Variants in REDIC1 observed in about 807,000 individuals in gnomAD.
The protein encoded by REDIC1 is regulator of DNA class I crossover intermediates 1.
At chr12:39,733,549 G>A in the REDIC1 span, among the ~76,000 whole-genome samples, 1 of 151,498 alleles carries the variant, frequency 6.6e-6, no homozygotes, top group Non-Finnish European at 1.5e-5. Context: ...TAAGTTTTAG[G>A]GTACATGTGC....
chr12:39,712,737 A>G, the REDIC1 span, among the ~76,000 whole-genome samples: 1 of 116,604 alleles, frequency 8.6e-6, no homozygotes, highest in East Asian at 2.0e-4. Context: ...ATATATGTAT[A>G]TAGACGTGTA....
the REDIC1 span, chr12:39,646,791 C>T: frequency 1.2e-4 from 154 of 1,258,412 alleles, no homozygotes; most frequent in African/African-American, 2.0e-3. Flanking sequence ...AAAGGACAGT[C>T]GATTTTATTT....
the REDIC1 span, among the ~76,000 whole-genome samples, chr12:39,678,872 G>T: frequency 1.3e-5 from 2 of 151,814 alleles, no homozygotes; most frequent in African/African-American, 4.8e-5. Context: ...AATAGATGCA[G>T]AAAAAGCATT....
the REDIC1 span, among the ~76,000 whole-genome samples, chr12:39,723,713 C>T: frequency 6.6e-6 from 1 of 151,920 alleles, no homozygotes; most frequent in Non-Finnish European, 1.5e-5. Context: ...AGATACTATA[C>T]ATTCAGTAAG....
At chr12:39,700,703 T>A in the REDIC1 span, among the ~76,000 whole-genome samples, 4 of 151,630 alleles carry the variant, frequency 2.6e-5, no homozygotes, top group African/African-American at 7.3e-5. Flanking sequence ...CGGGTTACCC[T>A]CAAAGGGAAG....
the REDIC1 span, among the ~76,000 whole-genome samples, chr12:39,880,441 CA>C: frequency 2.0e-5 from 3 of 151,898 alleles, no homozygotes; most frequent in Non-Finnish European, 2.9e-5. Flanking sequence ...GACATAAAGC[CA>C]AAATTAAAAG....
the REDIC1 span, among the ~76,000 whole-genome samples, chr12:39,653,538 T>TCTTCTTCTTCTTTTTCTTCTTCTTC: frequency 1.3e-4 from 9 of 66,686 alleles, no homozygotes; most frequent in Admixed American, 4.7e-4. Context: ...TTCTTCTTCT[T>TCTTCTTCTTCTTTTTCTTCTTCTTC]TTTCTTCTTC....
the REDIC1 span, among the ~76,000 whole-genome samples, chr12:39,717,088 C>A: frequency 9.4e-4 from 140 of 148,918 alleles, 1 homozygote; most frequent in Non-Finnish European, 1.7e-3. Context: ...TTACAAAACA[C>A]CTTTTATCCT....
At chr12:39,760,953 AAC>A in the REDIC1 span, among the ~76,000 whole-genome samples, 1 of 101,520 alleles carries the variant, frequency 9.9e-6, no homozygotes, top group Non-Finnish European at 2.1e-5. Context: ...GTCTCTACCA[AAC>A]ACACACACAC....
At chr12:39,699,421 T>C in the REDIC1 span, among the ~76,000 whole-genome samples, 1 of 152,192 alleles carries the variant, frequency 6.6e-6, no homozygotes, top group Non-Finnish European at 1.5e-5. Flanking sequence ...ACCAGGAGAT[T>C]ATATCCCGCA....
the REDIC1 span, among the ~76,000 whole-genome samples, chr12:39,763,829 C>T: frequency 1.4e-4 from 21 of 152,186 alleles, no homozygotes; most frequent in African/African-American, 4.3e-4. Context: ...CCACTAAGCA[C>T]TATTGTTTTT....
the REDIC1 span, among the ~76,000 whole-genome samples, chr12:39,714,062 T>TAC: frequency 7.2e-6 from 1 of 139,724 alleles, no homozygotes; most frequent in Non-Finnish European, 1.6e-5. Flanking sequence ...TATACACGTA[T>TAC]GTGTATATAC....
chr12:39,736,659 A>C, the REDIC1 span: 1 of 152,236 alleles, frequency 6.6e-6, no homozygotes, highest in Non-Finnish European at 1.5e-5. Flanking sequence ...TTCCAAGGCT[A>C]TGTCGTAAAA....
chr12:39,739,072 T>TAGAG, the REDIC1 span, among the ~76,000 whole-genome samples: 1 of 151,938 alleles, frequency 6.6e-6, no homozygotes, highest in Non-Finnish European at 1.5e-5. Context: ...AACTACTTCA[T>TAGAG]TTTAGATGAG....
the REDIC1 span, among the ~76,000 whole-genome samples, chr12:39,675,712 G>A: frequency 1.3e-5 from 2 of 152,182 alleles, no homozygotes; most frequent in African/African-American, 2.4e-5. Flanking sequence ...TCACTCCCCT[G>A]CCACCTCCAT....
the REDIC1 span, among the ~76,000 whole-genome samples, chr12:39,670,559 T>C: frequency 1.3e-5 from 2 of 152,186 alleles, no homozygotes; most frequent in Admixed American, 1.3e-4. Context: ...TGTATTTCTT[T>C]TGGGATCCTT....
the REDIC1 span, among the ~76,000 whole-genome samples, chr12:39,776,438 C>A: frequency 6.6e-6 from 1 of 152,176 alleles, no homozygotes; most frequent in African/African-American, 2.4e-5. Context: ...CCCTAGGAAG[C>A]GGCTTGGCAA....
the REDIC1 span, among the ~76,000 whole-genome samples, chr12:39,693,641 T>G: frequency 6.6e-6 from 1 of 152,196 alleles, no homozygotes; most frequent in African/African-American, 2.4e-5. Flanking sequence ...TTCATCCTTA[T>G]GACCATTTAG....
chr12:39,688,767 A>G, the REDIC1 span, among the ~76,000 whole-genome samples: 1 of 152,186 alleles, frequency 6.6e-6, no homozygotes, highest in Non-Finnish European at 1.5e-5. Context: ...GAAATGAGAG[A>G]AGAGAAGATT....
Sources: gnomAD v4.1 joint callset for allele counts (sites outside exome capture counted in the v4.1 genomes callset) on GRCh38, gnomAD v4.1.1 for gene constraint, MANE v1.5 for transcripts, NCBI Gene and HGNC (gene_info 2026-07-23, HGNC 2026-07-21) for gene names.